STC1: variants seen among roughly 807,000 people sequenced by gnomAD.
The protein encoded by STC1 is stanniocalcin-1.
Under a neutral mutation model 22.6 loss-of-function variants are expected in STC1, and 7 were observed. That is an observed-to-expected ratio of 0.31 (90% confidence interval 0.18 to 0.58). The LOEUF is 0.58. STC1 is among the 20% of genes least tolerant of loss of function. STC1 has a pLI of 0.89. For missense variants in STC1, 224 were observed against 311.0 expected (o/e 0.72, Z 2.10); for synonymous variants, 113 against 120.7 (o/e 0.94, Z 0.42).
chr8:23,848,529 C>CAAA (rs796433655), intron 3 of STC1, among the ~76,000 whole-genome samples: 280 of 62,788 alleles, frequency 4.5e-3, no homozygotes, highest in Middle Eastern at 0.034. Context: ...GATACTCTGT[C>CAAA]AAAAAAAAAA....
rs1054940314 is a variant in STC1 at position 23,844,410 on chromosome 8, G to A, written c.*360C>T. 3.1e-5 allele frequency: 9 copies of A among 290,972 alleles called. 1 individual carries two copies. The highest frequency in any genetic ancestry group is 1.9e-4 in the South Asian group (4 of 20,538). 18.0% of individuals were successfully genotyped at this position (290,972 alleles called of 1,614,324 possible). A position where few individuals can be genotyped will look rare whatever the true frequency, so the allele number is the denominator to read the frequency against. ...ATCAGCTAACTCTACTGGGGCAACC[G>A]TTCTAAAGGGATCCACATCTTCAAA... On this transcript the variant is annotated 3_prime_UTR_variant, in exon 4 of 4. Coordinates refer to ENST00000290271, the MANE Select transcript of STC1 (RefSeq NM_003155.3).
chr8:23,844,691 CACAGT>C lies in STC1; in HGVS notation c.*74_*78del. 2 of 1,532,362 alleles carry C rather than the reference CACAGT, an allele frequency of 1.3e-6. No homozygotes were observed. Among genetic ancestry groups the C allele is most frequent in the South Asian group, 2.4e-5 (2 of 82,228 alleles). The allele number at this position is 1,532,362 out of a possible 1,614,324, so 94.9% of individuals were successfully genotyped here. A position where few individuals can be genotyped will look rare whatever the true frequency, so the allele number is the denominator to read the frequency against. On this transcript the variant is annotated 3_prime_UTR_variant, in exon 4 of 4. Transcript: ENST00000290271. The stretch of plus-strand genomic sequence containing the variant: ...ACTACTTTAAAAAAATCAAACCAGG[CACAGT>C]ACACTCAAAACTGGTGTGTCAACAC...
chr8:23,854,714 T>TGCTGCTGCCGCC lies in STC1; in HGVS notation c.-203_-192dup. On this transcript the variant is annotated 5_prime_UTR_variant, in exon 1 of 4. Transcript: ENST00000290271. ...CTGCCACCGGTGCCTCCGCTGCTGC[T>TGCTGCTGCCGCC]GCTGCTGCCGCCGCTGCTGCTGCTG... The TGCTGCTGCCGCC allele has an allele frequency of 1.5e-6, 1 of 681,852 alleles. No individual in the cohort carries two copies. Among genetic ancestry groups the TGCTGCTGCCGCC allele is most frequent in the South Asian group, 1.5e-5 (1 of 67,246 alleles). 42.2% of individuals were successfully genotyped at this position (681,852 alleles called of 1,614,324 possible). A position where few individuals can be genotyped will look rare whatever the true frequency, so the allele number is the denominator to read the frequency against.
rs1802540553 is a variant in STC1, at chr8:23,843,689, A to G, written c.*1081T>C. On this transcript the variant is annotated 3_prime_UTR_variant, in exon 4 of 4. Coordinates refer to ENST00000290271, the MANE Select transcript of STC1 (RefSeq NM_003155.3). ...CAGTTGGATGTGACAGAGATCTTTCAGTATAGGTCTAAGTCAAGAGTAGCC... is the reference window on the plus strand; with the variant it reads ...CAGTTGGATGTGACAGAGATCTTTCGGTATAGGTCTAAGTCAAGAGTAGCC... 6.6e-6 allele frequency: 1 copy of G among 152,638 alleles called. No individual in the cohort carries two copies. The highest frequency in any genetic ancestry group is 2.4e-5 in the African/African-American group (1 of 41,460). 9.5% of individuals were successfully genotyped at this position (152,638 alleles called of 1,614,324 possible). A position where few individuals can be genotyped will look rare whatever the true frequency, so the allele number is the denominator to read the frequency against.
Position 23,854,511 on chromosome 8 carries a change from A to G in STC1, c.13T>C (p.Ser5Pro). 1.9e-6 allele frequency: 3 copies of G among 1,612,674 alleles called. No individual in the cohort carries two copies. The highest frequency in any genetic ancestry group is 1.7e-4 in the Middle Eastern group (1 of 6,054). The change falls in exon 1 of 4, where the codon TCA becomes CCA. Residue 5 changes from serine to proline, a missense_variant. Coordinates refer to ENST00000290271, the MANE Select transcript of STC1 (RefSeq NM_003155.3). ...ATCACCAGCACCAGAAGCACTGCTG[A>G]GTTTTGGAGCATTCTCTGAGAAGTT... MLQN[S>P]AVLLVLVISA... is the part of the protein sequence containing the mutation.
chr8:23,845,193 AC>A (rs1232052729), intron 3 of STC1, among the ~76,000 whole-genome samples, 153 bp from the exon 4 acceptor site: 2 of 152,046 alleles, frequency 1.3e-5, no homozygotes, highest in Non-Finnish European at 2.9e-5. Flanking sequence ...TTGCTCTCTA[AC>A]CCTTGTGCCA....
chr8:23,851,789 A>G (rs1404107545), intron 2 of STC1, among the ~76,000 whole-genome samples: 2 of 152,120 alleles, frequency 1.3e-5, no homozygotes, highest in Non-Finnish European at 2.9e-5. Context: ...GTGATCAACC[A>G]TTCTGCAGCT....
intron 3 of STC1, among the ~76,000 whole-genome samples, chr8:23,847,634 G>A (rs1471855741): frequency 6.6e-6 from 1 of 152,180 alleles, no homozygotes; most frequent in Non-Finnish European, 1.5e-5. Context: ...GTCCAGTAAG[G>A]GCTGGAATAG....
chr8:23,845,021 G>A lies in STC1; in HGVS notation c.493C>T (p.Arg165Ter). 2 of 1,614,022 alleles carry A rather than the reference G, an allele frequency of 1.2e-6. No homozygotes were observed. The highest frequency in any genetic ancestry group is 1.7e-6 in the Non-Finnish European group (2 of 1,180,002). The change falls in exon 4 of 4, where the codon CGA becomes TGA. Residue 165 changes from arginine to a stop codon, truncating the protein, a stop_gained. Coordinates refer to ENST00000290271, the MANE Select transcript of STC1 (RefSeq NM_003155.3). LOFTEE classifies it high-confidence loss of function. The part of the protein sequence containing the change: ...FSNRYYNRLV[R>*]SLLECDEDTV... ...TCTTCATCACATTCCAGCAGGCTTC[G>A]GACAAGTCTGTTATAGTATCTGCAT...
chr8:23,844,886 C>T lies in STC1; in HGVS notation c.628G>A (p.Asp210Asn). Residue 210 changes from aspartate (D) to asparagine (N), a missense_variant, in exon 4 of 4, where the codon GAC (aspartate) becomes AAC (asparagine). By Grantham distance (23) the Asp-to-Asn change is conservative. Coordinates refer to ENST00000290271, the MANE Select transcript of STC1 (RefSeq NM_003155.3). ...TCATTGGTGCGTCTCCTGTTGAAGT[C>T]AGCTCGTGGGTGTGTTTGGGCACAG... The part of the protein sequence containing the change: ...DHCAQTHPRA[D>N]FNRRRTNEPQ... 6.2e-7 allele frequency: 1 copy of T among 1,614,106 alleles called. No homozygotes were observed. Among genetic ancestry groups the T allele is most frequent in the Admixed American group, 1.7e-5 (1 of 60,020 alleles).
Position 23,844,972 on chromosome 8 carries a change from C to T in STC1, c.542G>A (p.Ser181Asn). ...GTTAGGCCCAATTTTCTCCATCAGG[C>T]TGTCTCTGATTGTGCTGACTGTGTC... is the stretch of plus-strand genomic sequence containing the variant. ...DEDTVSTIRDSLMEKIGPNMA... is the reference protein window; with the variant it reads ...DEDTVSTIRDNLMEKIGPNMA... The change falls in exon 4 of 4, where the codon AGC (serine) becomes AAC (asparagine). Residue 181 changes from serine (S) to asparagine (N), a missense_variant. Transcript: ENST00000290271. 1 of 1,614,186 alleles carries T rather than the reference C, an allele frequency of 6.2e-7. No individual in the cohort carries two copies. The highest frequency in any genetic ancestry group is 1.7e-4 in the Middle Eastern group (1 of 6,060).
chr8:23,850,774 T>A (rs1802628816), intron 3 of STC1, among the ~76,000 whole-genome samples: 1 of 152,134 alleles, frequency 6.6e-6, no homozygotes, highest in South Asian at 2.1e-4. Context: ...GCCATTTTGC[T>A]TTTTACAAAG....
Position 23,852,350 on chromosome 8 carries a change from C to G in STC1, c.153G>C (p.Gln51His), listed in dbSNP as rs1374289776. The change falls in exon 2 of 4, where the codon CAG becomes CAC. Residue 51 changes from glutamine (Q) to histidine (H), a missense_variant. Physicochemically the swap from Gln to His is conservative, Grantham distance 24. Coordinates refer to ENST00000290271, the MANE Select transcript of STC1 (RefSeq NM_003155.3). ...GGCATGCAAAAGCCCCGCAGCCGAC[C>G]TGTAGAGCACTGTTGAGGCAACGAA... Reference protein sequence around the residue: ...EVVRCLNSALQVGCGAFACLE... With the variant: ...EVVRCLNSALHVGCGAFACLE... 1 of 1,611,148 alleles carries G rather than the reference C, an allele frequency of 6.2e-7. No homozygotes were observed.
In STC1 at chr8:23,850,182, G is replaced by A. The variant is rs1389421947; in HGVS notation, c.473+1138C>T. On this transcript the variant is annotated intron_variant, in intron 3 of 3. Transcript: ENST00000290271. ...CCTAAGGAGGAACTACTTTTTTGTTGCATGTATGTACATGACTAAATCACT... is the reference window on the plus strand; with the variant it reads ...CCTAAGGAGGAACTACTTTTTTGTTACATGTATGTACATGACTAAATCACT... 3.5e-4 allele frequency among the ~76,000 whole-genome samples: 54 copies of A among 152,174 alleles called. 1 individual carries two copies. Among genetic ancestry groups the A allele is most frequent in the Non-Finnish European group, 5.9e-5 (4 of 68,024 alleles).
chr8:23,854,174 T>C (rs1047870968), intron 1 of STC1: 3 of 1,254,644 alleles, frequency 2.4e-6, no homozygotes, highest in African/African-American at 3.0e-5. Context: ...GCTAGGCTTA[T>C]GCAATGAAAT....
At position 23,844,508 on chromosome 8, in the gene STC1, G is replaced by T; in HGVS notation, c.*262C>A. ...CTCAGGGGAGCAGGGGAAAAACATGGCAGAGGAAGTTGGTAAAAGAGGGTA... is the reference window on the plus strand; with the variant it reads ...CTCAGGGGAGCAGGGGAAAAACATGTCAGAGGAAGTTGGTAAAAGAGGGTA... On this transcript the variant is annotated 3_prime_UTR_variant, in exon 4 of 4. Coordinates refer to ENST00000290271, the MANE Select transcript of STC1 (RefSeq NM_003155.3). 2 of 493,652 alleles carry T rather than the reference G, an allele frequency of 4.1e-6. No individual in the cohort carries two copies. Among genetic ancestry groups the T allele is most frequent in the East Asian group, 3.5e-5 (1 of 28,346 alleles). The allele number at this position is 493,652 out of a possible 1,614,324, so 30.6% of individuals were successfully genotyped here. A position where few individuals can be genotyped will look rare whatever the true frequency, so the allele number is the denominator to read the frequency against.
At chr8:23,849,485 A>G (rs1177585046) in intron 3 of STC1, among the ~76,000 whole-genome samples, 2 of 152,116 alleles carry the variant, frequency 1.3e-5, no homozygotes, top group Non-Finnish European at 2.9e-5. Flanking sequence ...TTTCTTTGTG[A>G]CCATTTTCTA....
At chr8:23,851,714 T>G (rs1388312227) in intron 2 of STC1, among the ~76,000 whole-genome samples, 183 bp from the exon 3 acceptor site, 2 of 148,638 alleles carry the variant, frequency 1.3e-5, no homozygotes, top group African/African-American at 2.5e-5. Context: ...CCTCTCCCCA[T>G]CTCCCTGGAT....
rs935002342 is a variant in STC1, at chr8:23,842,512, A to G, written c.*2258T>C. The G allele has an allele frequency of 2.0e-5, 3 of 151,242 alleles. No individual in the cohort carries two copies. Among genetic ancestry groups the G allele is most frequent in the Non-Finnish European group, 4.4e-5 (3 of 67,760 alleles). The allele number at this position is 151,242 out of a possible 1,614,324, so 9.4% of individuals were successfully genotyped here. On this transcript the variant is annotated 3_prime_UTR_variant, in exon 4 of 4. Transcript: ENST00000290271. ...AAAAAAAAAAAAAAAAAAAGAAAAG[A>G]AAAAAGGAAATCTACTGAACTGAAG...
Sources: gnomAD v4.1 joint callset for allele counts (sites outside exome capture counted in the v4.1 genomes callset) on GRCh38, gnomAD v4.1.1 for gene constraint, MANE v1.5 for transcripts, NCBI Gene and HGNC (gene_info 2026-07-23, HGNC 2026-07-21) for gene names.